ARID1B: variants seen among roughly 807,000 people sequenced by gnomAD.
ARID1B encodes AT-rich interactive domain-containing protein 1B.
Under a neutral mutation model 212.3 loss-of-function variants are expected in ARID1B, and 30 were observed. The observed-to-expected ratio is 0.14, with a 90% confidence interval of 0.11 to 0.19. The LOEUF (loss-of-function observed/expected upper bound fraction) is 0.19, where lower values mean the gene tolerates loss of function less well. Ranked by LOEUF, ARID1B falls within the 10% of genes least tolerant of loss-of-function variation. The probability of loss-of-function intolerance (pLI) is 1.00; values close to 1 mark genes in which losing one functional copy is unlikely to be tolerated. For synonymous variants in ARID1B, 1,402 were observed against 1,301.7 expected (o/e 1.08, Z -1.66); for missense variants, 2,891 against 3,204.0 (o/e 0.90, Z 2.36).
intron 1 of ARID1B, among the ~76,000 whole-genome samples, chr6:156,785,574 C>A (rs1779577442): frequency 6.6e-6 from 1 of 151,890 alleles, no homozygotes; most frequent in African/African-American, 2.4e-5. Context: ...TACAACTTAC[C>A]ATTTGAACCA....
intron 1 of ARID1B, among the ~76,000 whole-genome samples, chr6:156,798,126 C>T (rs910965298): frequency 2.6e-5 from 4 of 152,182 alleles, no homozygotes; most frequent in Admixed American, 6.5e-5. Flanking sequence ...GGAAGAGGAG[C>T]GGGGTGTTTG....
At chr6:156,949,088 C>T (rs1225255703) in intron 4 of ARID1B, among the ~76,000 whole-genome samples, 1 of 152,188 alleles carries the variant, frequency 6.6e-6, no homozygotes, top group Non-Finnish European at 1.5e-5. Flanking sequence ...GAGAACACTG[C>T]CTTCCAAGTC....
chr6:156,912,575 G>C (rs1789982460), intron 3 of ARID1B, among the ~76,000 whole-genome samples: 1 of 152,096 alleles, frequency 6.6e-6, no homozygotes, highest in Non-Finnish European at 1.5e-5. Context: ...ATCTCCCTCT[G>C]TCTTCAAACC....
chr6:157,180,818 T>C (rs1792459393), intron 11 of ARID1B, 151 bp from the exon 12 acceptor site: 1 of 639,688 alleles, frequency 1.6e-6, no homozygotes, highest in Non-Finnish European at 2.7e-6. Flanking sequence ...GTGCCTGAAC[T>C]AGTAGCCTTC....
intron 1 of ARID1B, among the ~76,000 whole-genome samples, chr6:156,806,875 A>T (rs1015895394): frequency 4.6e-5 from 7 of 152,262 alleles, no homozygotes; most frequent in African/African-American, 1.7e-4. Context: ...TGAAGTGTCC[A>T]TAGACAATCC....
At chr6:156,994,994 C>T (rs925778746) in intron 4 of ARID1B, among the ~76,000 whole-genome samples, 2 of 152,220 alleles carry the variant, frequency 1.3e-5, no homozygotes, top group Non-Finnish European at 2.9e-5. Flanking sequence ...CTTACCAAGA[C>T]TTAGGTCTGA....
intron 1 of ARID1B, among the ~76,000 whole-genome samples, chr6:156,790,212 T>A (rs1295654020): frequency 6.6e-6 from 1 of 152,232 alleles, no homozygotes; most frequent in African/African-American, 2.4e-5. Context: ...TTCAGAAGAT[T>A]TATAATTGAA....
intron 4 of ARID1B, among the ~76,000 whole-genome samples, chr6:156,994,115 C>CTTAAA (rs1778435833): frequency 6.6e-6 from 1 of 151,986 alleles, no homozygotes; most frequent in Non-Finnish European, 1.5e-5. Context: ...TTGCTTTTTC[C>CTTAAA]ATAAGTACAT....
rs190988266 is a variant in ARID1B at position 156,850,552 on chromosome 6, C to A, written c.1986+21131C>A. Among the ~76,000 whole-genome samples the A allele has an allele frequency of 3.5e-3, 528 of 152,216 alleles. 4 individuals carry two copies. Among genetic ancestry groups the A allele is most frequent in the Non-Finnish European group, 4.6e-3 (312 of 67,992 alleles). On this transcript the variant is annotated intron_variant, in intron 2 of 19. Transcript: ENST00000636930. Reference sequence around the variant, plus strand: ...CACTGGAATCACCCCTTGCACTGAACGCATAGTAATTTTTAATGATCACAG... The same window carrying A: ...CACTGGAATCACCCCTTGCACTGAAAGCATAGTAATTTTTAATGATCACAG...
chr6:156,801,196 CTTTTTTT>C (rs397887993), intron 1 of ARID1B, among the ~76,000 whole-genome samples: 1 of 105,938 alleles, frequency 9.4e-6, no homozygotes. Context: ...CTTGAATAAT[CTTTTTTT>C]TTTTTTTTTT....
Position 156,893,045 on chromosome 6 carries a change from C to CTTTTTTTTTTTTTTTTTTTT in ARID1B, c.1987-8316_1987-8315insTTTTTTTTTTTTTTTTTTTT, listed in dbSNP as rs567719662. Among the ~76,000 whole-genome samples the CTTTTTTTTTTTTTTTTTTTT allele has an allele frequency of 2.7e-3, 232 of 85,884 alleles. 17 individuals are homozygous for CTTTTTTTTTTTTTTTTTTTT. Among genetic ancestry groups the CTTTTTTTTTTTTTTTTTTTT allele is most frequent in the African/African-American group, 0.011 (227 of 21,288 alleles). 56.3% of individuals were successfully genotyped at this position (85,884 alleles called of 152,430 possible). On this transcript the variant is annotated intron_variant, in intron 2 of 19. Coordinates refer to ENST00000636930, the MANE Select transcript of ARID1B (RefSeq NM_001374828.1). ...AACTCTTTTTTTTTCTTTTTTCTTC[C>CTTTTTTTTTTTTTTTTTTTT]TTTTTTTTTTTTTTTGAGATGGAGT...
intron 2 of ARID1B, among the ~76,000 whole-genome samples, chr6:156,866,441 G>T (rs1785700151): frequency 6.6e-6 from 1 of 152,140 alleles, no homozygotes; most frequent in Admixed American, 6.5e-5. Context: ...ACCTTTCCAG[G>T]TTGGGTAAGT....
chr6:156,986,052 ACTTGG>A (rs1777896835), intron 4 of ARID1B, among the ~76,000 whole-genome samples: 1 of 138,892 alleles, frequency 7.2e-6, no homozygotes, highest in African/African-American at 3.0e-5. Flanking sequence ...AAATTCCTTT[ACTTGG>A]AAGGCTTTTT....
At chr6:156,852,460 T>TA (rs576507419) in intron 2 of ARID1B, among the ~76,000 whole-genome samples, 29,562 of 143,498 alleles carry the variant, frequency 0.21, 3,193 homozygotes, top group Middle Eastern at 0.31. Context: ...CCCTGTCTCT[T>TA]AAAAAAAAAA....
At chr6:157,183,122 G>T (rs1299789067) in intron 12 of ARID1B, among the ~76,000 whole-genome samples, 1 of 152,124 alleles carries the variant, frequency 6.6e-6, no homozygotes, top group Non-Finnish European at 1.5e-5. Flanking sequence ...TACCTTGTGG[G>T]CATCAGATGT....
chr6:156,848,333 A>G (rs193150986), intron 2 of ARID1B, among the ~76,000 whole-genome samples: 1 of 152,360 alleles, frequency 6.6e-6, no homozygotes, highest in East Asian at 1.9e-4. Flanking sequence ...TGTTAGAGTA[A>G]TTATAACAAA....
chr6:157,117,158 G>C (rs1787375906), intron 6 of ARID1B, among the ~76,000 whole-genome samples: 1 of 152,174 alleles, frequency 6.6e-6, no homozygotes. Flanking sequence ...GATGGGGCAT[G>C]ATCAGGCATT....
At chr6:156,782,725 G>C (rs1779363846) in intron 1 of ARID1B, among the ~76,000 whole-genome samples, 1 of 152,040 alleles carries the variant, frequency 6.6e-6, no homozygotes, top group Non-Finnish European at 1.5e-5. Flanking sequence ...TTTAAATCTT[G>C]TAAACAAATT....
chr6:157,028,344 T>C (rs968236014), intron 4 of ARID1B, among the ~76,000 whole-genome samples: 3 of 152,214 alleles, frequency 2.0e-5, no homozygotes, highest in Non-Finnish European at 4.4e-5. Context: ...GAAATAGTTA[T>C]TAATTTGAAT....
Sources: allele counts gnomAD v4.1 joint callset (sites outside exome capture counted in the v4.1 genomes callset), GRCh38; gene constraint gnomAD v4.1.1; transcripts MANE v1.5; gene names NCBI Gene and HGNC (gene_info 2026-07-23, HGNC 2026-07-21).